The following SEMA6D variants were observed in gnomAD, a reference collection of about 807,000 sequenced individuals.
The protein encoded by SEMA6D is semaphorin 6D.
In SEMA6D, 35 loss-of-function variants were observed where a neutral mutation model predicts 106.6. That is an observed-to-expected ratio of 0.33 (90% CI 0.25 to 0.44). The LOEUF (loss-of-function observed/expected upper bound fraction) is 0.44. SEMA6D is among the 20% of genes least tolerant of loss of function. The pLI is 1.00. For missense variants in SEMA6D, 1,185 were observed against 1,345.9 expected (o/e 0.88, Z 1.87); for synonymous variants, 499 against 487.7 (o/e 1.02, Z -0.31).
At chr15:47,468,342 C>T (rs1361612939) in intron 2 of SEMA6D, among the ~76,000 whole-genome samples, 4 of 152,124 alleles carry the variant, frequency 2.6e-5, no homozygotes, top group East Asian at 1.9e-4. Flanking sequence ...CCACTGCAAT[C>T]GAAGAAGTGG....
chr15:47,756,953 G>A (rs2081783245), intron 1 of SEMA6D, among the ~76,000 whole-genome samples: 1 of 146,470 alleles, frequency 6.8e-6, no homozygotes, highest in Non-Finnish European at 1.5e-5. Context: ...GAAGCAGTTA[G>A]TGGTAGGGCT....
chr15:47,590,175 A>G (rs1381026204), intron 3 of SEMA6D, among the ~76,000 whole-genome samples: 3 of 152,160 alleles, frequency 2.0e-5, no homozygotes, highest in Non-Finnish European at 2.9e-5. Context: ...TGTGGCACAG[A>G]TACACCATGG....
chr15:47,711,908 A>AGG (rs1478110373), intron 4 of SEMA6D, among the ~76,000 whole-genome samples: 1 of 152,190 alleles, frequency 6.6e-6, no homozygotes, highest in African/African-American at 2.4e-5. Flanking sequence ...CCTATAATGT[A>AGG]GGGGTTTTTG....
At chr15:47,257,156 C>G (rs1294398850) in intron 1 of SEMA6D, among the ~76,000 whole-genome samples, 1 of 150,892 alleles carries the variant, frequency 6.6e-6, no homozygotes, top group Admixed American at 6.6e-5. Flanking sequence ...CTCCCGGGTT[C>G]ATGCCATTCT....
intron 4 of SEMA6D, among the ~76,000 whole-genome samples, chr15:47,629,163 A>C (rs2077252351): frequency 6.6e-6 from 1 of 152,076 alleles, no homozygotes; most frequent in African/African-American, 2.4e-5. Context: ...AATTGAATAA[A>C]TCGATTCCTC....
chr15:47,268,734 A>G (rs1208861067), intron 1 of SEMA6D, among the ~76,000 whole-genome samples: 1 of 152,100 alleles, frequency 6.6e-6, no homozygotes, highest in African/African-American at 2.4e-5. Context: ...AACAATTCTT[A>G]GGATTTGTGG....
upstream of SEMA6D, chr15:47,717,090 G>A (rs1275566352): frequency 6.6e-6 from 1 of 152,308 alleles, no homozygotes; most frequent in Non-Finnish European, 1.5e-5. Context: ...TGAAAGAAGT[G>A]AGCGAGAGGG....
At chr15:47,225,388 A>G (rs1321907590) in intron 1 of SEMA6D, among the ~76,000 whole-genome samples, 1 of 151,116 alleles carries the variant, frequency 6.6e-6, no homozygotes, top group Non-Finnish European at 1.5e-5. Context: ...GTTTTAATTT[A>G]TGTTCCCTGA....
In SEMA6D at chr15:47,245,001, A is replaced by G. The variant is rs192178929; in HGVS notation, c.-239+60583A>G. ...GCTTAGGATAATAGCCTCCAGCTCT[A>G]TCCATGCTGCTGCAAAGGACATGAT... On this transcript the variant is annotated intron_variant, in intron 1 of 19. Coordinates refer to the SEMA6D transcript ENST00000558014. 1.2e-4 allele frequency among the ~76,000 whole-genome samples: 18 copies of G among 148,556 alleles called. No individual in the cohort carries two copies. The East Asian group carries it at 3.6e-3, about 29-fold the overall frequency.
At chr15:47,556,894 T>C (rs2045931315) in intron 3 of SEMA6D, among the ~76,000 whole-genome samples, 1 of 152,136 alleles carries the variant, frequency 6.6e-6, no homozygotes, top group East Asian at 1.9e-4. Flanking sequence ...TGCAAAGGTA[T>C]CATGTGTCCA....
At chr15:47,612,933 G>T (rs1180420141) in intron 4 of SEMA6D, among the ~76,000 whole-genome samples, 1 of 152,134 alleles carries the variant, frequency 6.6e-6, no homozygotes, top group Admixed American at 6.5e-5. Context: ...CAATGCTAAT[G>T]TAGAATTTAA....
At chr15:47,279,988 C>CT (rs1411325476) in intron 1 of SEMA6D, among the ~76,000 whole-genome samples, 1 of 150,758 alleles carries the variant, frequency 6.6e-6, no homozygotes, top group South Asian at 2.1e-4. Flanking sequence ...CTAAAATTCT[C>CT]TTTTTTGGTT....
rs533239848 is a variant in SEMA6D, at chr15:47,670,830, A to T, written c.-55+69934A>T. On this transcript the variant is annotated intron_variant, in intron 4 of 19. Coordinates refer to the SEMA6D transcript ENST00000558014. ...TCTACTACTCTGTCAATTTCTAAGC[A>T]TTAGGCAATCTTTTTGTTGCAAGAA... 2.5e-4 allele frequency among the ~76,000 whole-genome samples: 38 copies of T among 152,306 alleles called. 1 individual carries two copies. The South Asian group carries it at 5.8e-3, about 23-fold the overall frequency.
chr15:47,543,192 A>G (rs1449219322), intron 3 of SEMA6D, among the ~76,000 whole-genome samples: 3 of 152,142 alleles, frequency 2.0e-5, no homozygotes, highest in African/African-American at 7.2e-5. Context: ...TTTATGGCTC[A>G]TGATGAAGCA....
At chr15:47,599,576 C>A (rs2076604020) in intron 3 of SEMA6D, among the ~76,000 whole-genome samples, 1 of 151,850 alleles carries the variant, frequency 6.6e-6, no homozygotes, top group Non-Finnish European at 1.5e-5. Flanking sequence ...AGGCAAAGAA[C>A]CAGTGCACAT....
chr15:47,334,465 C>T (rs2037472257), intron 1 of SEMA6D, among the ~76,000 whole-genome samples: 1 of 152,158 alleles, frequency 6.6e-6, no homozygotes, highest in South Asian at 2.1e-4. Context: ...TGGGATCTGA[C>T]ACTGTCTCCA....
chr15:47,761,420 A>G lies in SEMA6D; in HGVS notation c.436A>G (p.Arg146Gly). 6.2e-7 allele frequency: 1 copy of G among 1,609,816 alleles called. No homozygotes were observed. The highest frequency in any genetic ancestry group is 8.5e-7 in the Non-Finnish European group (1 of 1,177,524). ...TACCAATGCATTCAATCCCATGTGT[A>G]GATACTACAGGGTAAGTATATTTTA... ...CGTNAFNPMC[R>G]YYRLSTLEYD... is the part of the protein sequence containing the mutation. Residue 146 changes from arginine to glycine, a missense_variant, in exon 6 of 19, where the codon AGA becomes GGA. By Grantham distance (125) the Arg-to-Gly change is moderately radical. Transcript: ENST00000536845.
chr15:47,750,544 C>T (rs1309780418), intron 1 of SEMA6D, among the ~76,000 whole-genome samples: 1 of 152,122 alleles, frequency 6.6e-6, no homozygotes, highest in Non-Finnish European at 1.5e-5. Context: ...TGTGAGTCTC[C>T]ACTGCTCCTG....
chr15:47,264,676 C>CT (rs1354125325), intron 1 of SEMA6D, among the ~76,000 whole-genome samples: 2 of 151,934 alleles, frequency 1.3e-5, no homozygotes, highest in Non-Finnish European at 2.9e-5. Context: ...CCTTTGGTTT[C>CT]TTTCTTTTTT....
Sources: gnomAD v4.1 joint callset for allele counts (sites outside exome capture counted in the v4.1 genomes callset) on GRCh38, gnomAD v4.1.1 for gene constraint, MANE v1.5 for transcripts, NCBI Gene and HGNC (gene_info 2026-07-23, HGNC 2026-07-21) for gene names.